The following ACOT7 variants were observed in gnomAD, a reference collection of about 807,000 sequenced individuals.
ACOT7 encodes the protein acyl-CoA thioesterase 7, also known as cytosolic acyl coenzyme A thioester hydrolase.
Under a neutral mutation model 40.2 loss-of-function variants are expected in ACOT7, and 12 were observed. The ratio of observed to expected loss-of-function variants is 0.30; its 90% CI spans 0.19 to 0.48. The LOEUF is 0.48. ACOT7 is among the 20% of genes least tolerant of loss of function. The probability of loss-of-function intolerance (pLI) is 0.99; values close to 1 mark genes in which losing one functional copy is unlikely to be tolerated. For missense variants in ACOT7, 395 were observed against 530.8 expected (o/e 0.74, Z 2.51); for synonymous variants, 228 against 219.5 (o/e 1.04, Z -0.34).
chr1:6,293,390 C>T (rs1313936928), intron 7 of ACOT7, among the ~76,000 whole-genome samples: 1 of 152,214 alleles, frequency 6.6e-6, no homozygotes, highest in African/African-American at 2.4e-5. Context: ...CAGAGTCACG[C>T]ACCACACAGG....
intron 1 of ACOT7, among the ~76,000 whole-genome samples, chr1:6,372,166 T>C (rs367687434): frequency 6.6e-6 from 1 of 152,218 alleles, no homozygotes; most frequent in Non-Finnish European, 1.5e-5. Flanking sequence ...ACTTTCATGT[T>C]ATGGAGGTGG....
rs1447203366 is a variant in ACOT7 at position 6,311,144 on chromosome 1, C to T, written c.712+7348G>A. 6.6e-6 allele frequency among the ~76,000 whole-genome samples: 1 copy of T among 152,222 alleles called. No individual in the cohort carries two copies. Among genetic ancestry groups the T allele is most frequent in the Non-Finnish European group, 1.5e-5 (1 of 68,042 alleles). On this transcript the variant is annotated intron_variant, in intron 6 of 8. Transcript: ENST00000361521. This position sits in a 1 kb window ranked among gnomAD's most constrained non-coding sequence, Gnocchi z 5.2. ...CTGCCACATGCTCCATCCTGTGCTT[C>T]CCAGTACCATGGGAGCTGAGCAAGC... is the stretch of plus-strand genomic sequence containing the variant.
chr1:6,348,826 A>G (rs1345194166), intron 2 of ACOT7, among the ~76,000 whole-genome samples: 1 of 152,194 alleles, frequency 6.6e-6, no homozygotes, highest in Non-Finnish European at 1.5e-5. Context: ...CAGAGCTCAC[A>G]GTGCCTCCGC....
intron 8 of ACOT7, among the ~76,000 whole-genome samples, chr1:6,280,386 G>A (rs1047072829): frequency 6.6e-6 from 1 of 152,242 alleles, no homozygotes; most frequent in Admixed American, 6.5e-5. Context: ...TTTGGGCCGC[G>A]CGAACCCTGT....
At chr1:6,382,834 C>A (rs1183734516) in intron 1 of ACOT7, among the ~76,000 whole-genome samples, 1 of 151,724 alleles carries the variant, frequency 6.6e-6, no homozygotes, top group East Asian at 1.9e-4. Flanking sequence ...AACCTGCCAT[C>A]TTAACCATAT....
intron 2 of ACOT7, among the ~76,000 whole-genome samples, chr1:6,344,492 G>C (rs1455399511): frequency 6.6e-6 from 1 of 152,138 alleles, no homozygotes; most frequent in Admixed American, 6.5e-5. Flanking sequence ...AGGGCCGGGC[G>C]CAGTGGCTCA....
rs992363841 is a variant in ACOT7 at position 6,294,137 on chromosome 1, C to T, written c.829+727G>A. On this transcript the variant is annotated intron_variant, in intron 7 of 8. Coordinates refer to ENST00000361521, the MANE Select transcript of ACOT7 (RefSeq NM_007274.4). The surrounding 1 kb of genome is among the most constrained non-coding windows in gnomAD (Gnocchi z 4.6). ...GCCCTGACGATGCTGACACCACCCT[C>T]GGTCTGTGAGGCAGTGCTGCTGCAG... Among the ~76,000 whole-genome samples, 1 of 152,254 alleles carries T rather than the reference C, an allele frequency of 6.6e-6. No individual in the cohort carries two copies. Among genetic ancestry groups the T allele is most frequent in the Non-Finnish European group, 1.5e-5 (1 of 68,040 alleles).
At chr1:6,312,264 CT>C (rs1351490006) in intron 6 of ACOT7, among the ~76,000 whole-genome samples, 3 of 152,106 alleles carry the variant, frequency 2.0e-5, no homozygotes, top group Non-Finnish European at 4.4e-5. Context: ...TGAATAAGCC[CT>C]ACTATTCGAC....
chr1:6,383,896 G>A (rs1306559930), intron 1 of ACOT7, among the ~76,000 whole-genome samples: 2 of 151,442 alleles, frequency 1.3e-5, no homozygotes, highest in Non-Finnish European at 3.0e-5. Flanking sequence ...GGTAAAGATG[G>A]GGTTTCCCTG....
chr1:6,268,708 CA>C (rs1638927756), intron 8 of ACOT7, among the ~76,000 whole-genome samples: 1 of 152,264 alleles, frequency 6.6e-6, no homozygotes, highest in African/African-American at 2.4e-5. Context: ...GATCTCCGCC[CA>C]AGAGCGAGAA....
intron 1 of ACOT7, among the ~76,000 whole-genome samples, chr1:6,375,106 T>C (rs1376927383): frequency 2.7e-5 from 4 of 149,602 alleles, no homozygotes; most frequent in African/African-American, 9.9e-5. Flanking sequence ...TGAAGCCCCG[T>C]CTCTACTAAA....
At chr1:6,291,695 C>T (rs1024682008) in intron 7 of ACOT7, among the ~76,000 whole-genome samples, 2 of 152,122 alleles carry the variant, frequency 1.3e-5, no homozygotes, top group South Asian at 2.1e-4. Context: ...GTCTGGCCCT[C>T]GAGACCTCCT....
intron 2 of ACOT7, among the ~76,000 whole-genome samples, chr1:6,342,146 T>C (rs1337879595): frequency 6.6e-6 from 1 of 152,202 alleles, no homozygotes; most frequent in Non-Finnish European, 1.5e-5. Flanking sequence ...CATTCCAAGA[T>C]CAGGGACGGG....
intron 1 of ACOT7, among the ~76,000 whole-genome samples, chr1:6,361,788 G>A (rs1314857712): frequency 6.6e-6 from 1 of 152,064 alleles, no homozygotes; most frequent in African/African-American, 2.4e-5. Flanking sequence ...CTGGGCAACA[G>A]AGCGGGACTC....
At chr1:6,372,554 C>CTTTTT (rs563026803) in intron 1 of ACOT7, among the ~76,000 whole-genome samples, 1,813 of 128,482 alleles carry the variant, frequency 0.014, 23 homozygotes, top group African/African-American at 0.028. Context: ...TAACTTTTGG[C>CTTTTT]TTTTTTTTTT....
intron 1 of ACOT7, among the ~76,000 whole-genome samples, chr1:6,374,139 G>A (rs1642182894): frequency 6.6e-6 from 1 of 152,216 alleles, no homozygotes; most frequent in African/African-American, 2.4e-5. Context: ...AAGGGAAGGT[G>A]GCAGCAGGTG....
chr1:6,279,868 T>C (rs1639302787), intron 8 of ACOT7, among the ~76,000 whole-genome samples: 1 of 152,080 alleles, frequency 6.6e-6, no homozygotes, highest in African/African-American at 2.4e-5. Context: ...CAGCCTCGAC[T>C]GGGAAACAAA....
In ACOT7 at chr1:6,326,120, C is replaced by T. The variant is rs575296052; in HGVS notation, c.625+1179G>A. On this transcript the variant is annotated intron_variant, in intron 5 of 8. Transcript: ENST00000361521. ...GCATGAGGTACCCTGTGGAACCCAG[C>T]ACAGAGCACGAATGTGCCACGAGCC... 2.6e-5 allele frequency among the ~76,000 whole-genome samples: 4 copies of T among 152,348 alleles called. No individual in the cohort carries two copies. The South Asian group carries it at 8.3e-4, about 32-fold the overall frequency.
intron 1 of ACOT7, among the ~76,000 whole-genome samples, chr1:6,366,662 T>C: frequency 6.6e-6 from 1 of 151,416 alleles, no homozygotes; most frequent in East Asian, 1.9e-4. Flanking sequence ...GAACTTACTT[T>C]TTTTTTTTTT....
Sources: allele counts gnomAD v4.1 joint callset (sites outside exome capture counted in the v4.1 genomes callset), GRCh38; gene constraint gnomAD v4.1.1; non-coding constraint Gnocchi (gnomAD v3.1); transcripts MANE v1.5; gene names NCBI Gene and HGNC (gene_info 2026-07-23, HGNC 2026-07-21).